The following GALNTL6 variants were observed in gnomAD, a reference collection of about 807,000 sequenced individuals.
GALNTL6 encodes polypeptide N-acetylgalactosaminyltransferase-like 6.
GALNTL6 carries 46 observed loss-of-function variants against 73.7 expected under a neutral mutation model. The ratio of observed to expected loss-of-function variants is 0.62; its 90% CI spans 0.49 to 0.80. The LOEUF is 0.80. Among genes scored for constraint, GALNTL6 ranks in the 30% least tolerant of loss-of-function variants. GALNTL6 has a pLI of 0.00. For synonymous variants in GALNTL6, 259 were observed against 263.7 expected, an observed-to-expected ratio of 0.98 and a Z score of 0.17; for missense variants, 604 against 755.0, an observed-to-expected ratio of 0.80 and a Z score of 2.34.
intron 7 of GALNTL6, among the ~76,000 whole-genome samples, chr4:172,867,988 T>G (rs1011154754): frequency 3.9e-5 from 6 of 152,198 alleles, no homozygotes; most frequent in Admixed American, 3.9e-4. Context: ...TAGTTGCATA[T>G]TTAGTACCCC....
intron 5 of GALNTL6, among the ~76,000 whole-genome samples, chr4:172,441,250 C>G (rs994878819): frequency 5.9e-5 from 9 of 152,020 alleles, no homozygotes; most frequent in African/African-American, 1.7e-4. Context: ...GATATCCAAA[C>G]AGTAATATTG....
intron 9 of GALNTL6, among the ~76,000 whole-genome samples, chr4:172,933,634 A>C (rs1416370317): frequency 6.6e-6 from 1 of 152,274 alleles, no homozygotes; most frequent in South Asian, 2.1e-4. Context: ...GAAACATTTT[A>C]TGGTTTTTTT....
At chr4:172,816,843 G>A (rs1259808191) in intron 7 of GALNTL6, among the ~76,000 whole-genome samples, 6 of 152,052 alleles carry the variant, frequency 3.9e-5, no homozygotes, top group East Asian at 1.9e-4. Flanking sequence ...CACGGTGGCC[G>A]CGCCTGTATT....
chr4:171,817,780 A>C (rs1734559602), intron 2 of GALNTL6, among the ~76,000 whole-genome samples: 1 of 151,760 alleles, frequency 6.6e-6, no homozygotes, highest in South Asian at 2.1e-4. Flanking sequence ...AAGAGGATCG[A>C]TATAACAGTT....
At chr4:172,388,918 G>C (rs1320565400) in intron 5 of GALNTL6, among the ~76,000 whole-genome samples, 1 of 151,632 alleles carries the variant, frequency 6.6e-6, no homozygotes, top group South Asian at 2.1e-4. Context: ...AACCAGAAAA[G>C]CTGTGCTATA....
chr4:172,114,345 A>T (rs1732931359), intron 2 of GALNTL6, among the ~76,000 whole-genome samples: 1 of 152,066 alleles, frequency 6.6e-6, no homozygotes, highest in Non-Finnish European at 1.5e-5. Flanking sequence ...TCAATTTGGA[A>T]ATATAATCAT....
chr4:172,430,071 G>A (rs1044365552), intron 5 of GALNTL6, among the ~76,000 whole-genome samples: 2 of 151,682 alleles, frequency 1.3e-5, no homozygotes, highest in Non-Finnish European at 2.9e-5. Context: ...AAATATATAT[G>A]TGTGTGTATA....
chr4:172,544,768 A>T (rs950199935), intron 5 of GALNTL6, among the ~76,000 whole-genome samples: 1 of 152,232 alleles, frequency 6.6e-6, no homozygotes, highest in African/African-American at 2.4e-5. Flanking sequence ...TACCATATGT[A>T]CAGTATGAAG....
chr4:172,003,341 A>C (rs1390368096), intron 2 of GALNTL6, among the ~76,000 whole-genome samples: 1 of 152,134 alleles, frequency 6.6e-6, no homozygotes, highest in Non-Finnish European at 1.5e-5. Context: ...AGGGAGAAAA[A>C]GGAACATCAT....
intron 5 of GALNTL6, among the ~76,000 whole-genome samples, chr4:172,704,539 T>G: frequency 6.6e-6 from 1 of 152,082 alleles, no homozygotes. Context: ...TTTATAGTTT[T>G]ATTCAATTAT....
chr4:172,605,608 G>C (rs1405263611), intron 5 of GALNTL6, among the ~76,000 whole-genome samples: 1 of 152,128 alleles, frequency 6.6e-6, no homozygotes, highest in African/African-American at 2.4e-5. Context: ...ATTCCAGGCA[G>C]AGGAAACAAC....
intron 2 of GALNTL6, among the ~76,000 whole-genome samples, chr4:172,144,010 A>T (rs544284787): frequency 6.6e-6 from 1 of 152,238 alleles, no homozygotes; most frequent in Non-Finnish European, 1.5e-5. Flanking sequence ...AACAACTCTG[A>T]CCTGCAACTC....
rs142043284 is a variant in GALNTL6, at chr4:172,246,494, A to G, written c.247+16730A>G. On this transcript the variant is annotated intron_variant, in intron 3 of 12. Transcript: ENST00000506823. ...GATATTTAATTTTAGTGATTGTTTT[A>G]TAATAGAAATAAATGTATGCAGCTT... is the stretch of plus-strand genomic sequence containing the variant. Among the ~76,000 whole-genome samples the G allele has an allele frequency of 7.2e-5, 11 of 152,248 alleles. No individual in the cohort carries two copies. The East Asian group carries it at 1.9e-3, about 27-fold the overall frequency.
intron 5 of GALNTL6, among the ~76,000 whole-genome samples, chr4:172,528,547 A>C (rs577269347): frequency 2.7e-5 from 4 of 150,674 alleles, no homozygotes; most frequent in Admixed American, 1.3e-4. Context: ...TTATAACACC[A>C]TGTTAGCCAG....
intron 2 of GALNTL6, among the ~76,000 whole-genome samples, chr4:171,987,421 G>T (rs890336659): frequency 4.6e-5 from 7 of 152,182 alleles, no homozygotes; most frequent in Admixed American, 1.3e-4. Flanking sequence ...CAGAAGGGAA[G>T]AAATGACTGC....
intron 7 of GALNTL6, among the ~76,000 whole-genome samples, chr4:172,850,897 G>A (rs1323477428): frequency 6.6e-6 from 1 of 152,110 alleles, no homozygotes. Context: ...CAGGGGACAG[G>A]GGAAGAGGCA....
chr4:172,262,375 A>G (rs1738287183), intron 3 of GALNTL6, among the ~76,000 whole-genome samples: 1 of 151,420 alleles, frequency 6.6e-6, no homozygotes. Context: ...TTATCATTAT[A>G]TAATTTCCTT....
chr4:172,137,914 TAGTA>T (rs1473739277), intron 2 of GALNTL6, among the ~76,000 whole-genome samples: 1 of 152,172 alleles, frequency 6.6e-6, no homozygotes, highest in Non-Finnish European at 1.5e-5. Context: ...GGCTACCAAA[TAGTA>T]AGCCAGCTGC....
At chr4:172,572,571 A>G (rs987529448) in intron 5 of GALNTL6, among the ~76,000 whole-genome samples, 3 of 152,150 alleles carry the variant, frequency 2.0e-5, no homozygotes, top group African/African-American at 7.2e-5. Flanking sequence ...TTCTGATAAA[A>G]CCTTTCACAT....
Sources: allele counts gnomAD v4.1 joint callset (sites outside exome capture counted in the v4.1 genomes callset), GRCh38; gene constraint gnomAD v4.1.1; transcripts MANE v1.5; gene names NCBI Gene and HGNC (gene_info 2026-07-23, HGNC 2026-07-21).